CDKAL1: variants seen among roughly 807,000 people sequenced by gnomAD.
CDKAL1 encodes CDKAL1 threonylcarbamoyladenosine tRNA methylthiotransferase, also known as threonylcarbamoyladenosine tRNA methylthiotransferase.
Under a neutral mutation model 68.2 loss-of-function variants are expected in CDKAL1, and 32 were observed. The ratio of observed to expected loss-of-function variants is 0.47; its 90% confidence interval spans 0.35 to 0.63. The LOEUF (loss-of-function observed/expected upper bound fraction) is 0.63. CDKAL1 is among the 30% of genes least tolerant of loss of function. The pLI is 0.00. For synonymous variants in CDKAL1, 234 were observed against 244.3 expected, an observed-to-expected ratio of 0.96 and a Z score of 0.39; for missense variants, 606 against 696.7, an observed-to-expected ratio of 0.87 and a Z score of 1.47.
intron 5 of CDKAL1, among the ~76,000 whole-genome samples, chr6:20,696,591 T>C (rs1273982512): frequency 6.6e-6 from 1 of 152,232 alleles, no homozygotes; most frequent in Admixed American, 6.5e-5. Context: ...AAAAAACTGT[T>C]TGTATTTTTA....
At chr6:21,100,267 T>G (rs1406552523) in intron 12 of CDKAL1, among the ~76,000 whole-genome samples, 1 of 152,260 alleles carries the variant, frequency 6.6e-6, no homozygotes, top group Non-Finnish European at 1.5e-5. Flanking sequence ...TTTGCTTGGT[T>G]ATTTTATTTG....
intron 12 of CDKAL1, among the ~76,000 whole-genome samples, chr6:21,089,743 A>T (rs778375389): frequency 2.0e-5 from 3 of 152,230 alleles, no homozygotes; most frequent in East Asian, 3.8e-4. Context: ...GGGTGAGAAG[A>T]CTTGTAGGAA....
intron 10 of CDKAL1, among the ~76,000 whole-genome samples, chr6:20,962,088 C>G (rs1423436497): frequency 6.6e-6 from 1 of 152,128 alleles, no homozygotes; most frequent in African/African-American, 2.4e-5. Flanking sequence ...ATTGCAAGTG[C>G]TTATTAAGGA....
intron 11 of CDKAL1, among the ~76,000 whole-genome samples, chr6:21,012,570 C>G (rs1347246659): frequency 6.6e-6 from 1 of 152,108 alleles, no homozygotes; most frequent in Admixed American, 6.5e-5. Flanking sequence ...TTAAAGCTCC[C>G]ATTTGAAAAA....
chr6:20,896,970 T>C (rs1163064513), intron 9 of CDKAL1, among the ~76,000 whole-genome samples: 1 of 152,256 alleles, frequency 6.6e-6, no homozygotes, highest in Non-Finnish European at 1.5e-5. Context: ...CTACTTGGAC[T>C]GCTATTACAA....
chr6:20,830,595 C>A (rs912904551), intron 8 of CDKAL1, among the ~76,000 whole-genome samples: 4 of 152,122 alleles, frequency 2.6e-5, no homozygotes, highest in Non-Finnish European at 4.4e-5. Context: ...TTATCTCCCC[C>A]AATAGCATGG....
At chr6:21,033,819 A>G (rs184936504) in intron 11 of CDKAL1, among the ~76,000 whole-genome samples, 12 of 152,294 alleles carry the variant, frequency 7.9e-5, no homozygotes, top group Admixed American at 6.5e-4. Flanking sequence ...TAAGAAAAGG[A>G]TGGTTAACAG....
At chr6:20,667,442 C>A (rs1331445060) in intron 5 of CDKAL1, among the ~76,000 whole-genome samples, 1 of 151,994 alleles carries the variant, frequency 6.6e-6, no homozygotes, top group African/African-American at 2.4e-5. Context: ...GGGTCTTTTT[C>A]AAGTCTATAC....
At chr6:21,197,065 G>A (rs745500691) in intron 13 of CDKAL1, among the ~76,000 whole-genome samples, 14 of 151,944 alleles carry the variant, frequency 9.2e-5, no homozygotes, top group South Asian at 2.1e-4. Flanking sequence ...GGCTGAGGCA[G>A]AAGAATCGTT....
At chr6:20,860,609 A>G (rs903316375) in intron 9 of CDKAL1, among the ~76,000 whole-genome samples, 2 of 152,006 alleles carry the variant, frequency 1.3e-5, no homozygotes, top group African/African-American at 4.8e-5. Context: ...GCAGATCACG[A>G]GATCAAGAGA....
intron 9 of CDKAL1, among the ~76,000 whole-genome samples, chr6:20,947,162 A>G (rs1764278800): frequency 6.6e-6 from 1 of 152,220 alleles, no homozygotes; most frequent in Non-Finnish European, 1.5e-5. Context: ...TATACCTGAT[A>G]TACCTTCAAA....
At chr6:21,192,686 C>T (rs1778305343) in intron 13 of CDKAL1, among the ~76,000 whole-genome samples, 1 of 151,970 alleles carries the variant, frequency 6.6e-6, no homozygotes. Flanking sequence ...TAACCTCTAG[C>T]ATGTTACAGA....
intron 10 of CDKAL1, among the ~76,000 whole-genome samples, chr6:20,990,146 G>C (rs572084423): frequency 6.6e-6 from 1 of 152,270 alleles, no homozygotes; most frequent in South Asian, 2.1e-4. Context: ...AGGAGGCTGA[G>C]GCAGGAGAAT....
chr6:20,971,879 T>A (rs1330302583), intron 10 of CDKAL1, among the ~76,000 whole-genome samples: 2 of 152,188 alleles, frequency 1.3e-5, no homozygotes, highest in African/African-American at 4.8e-5. Context: ...AAAATATTTT[T>A]AAACTCATTT....
chr6:21,062,507 T>C (rs1163096699), intron 11 of CDKAL1, among the ~76,000 whole-genome samples: 4 of 152,224 alleles, frequency 2.6e-5, no homozygotes, highest in South Asian at 2.1e-4. Flanking sequence ...GAAAAAAATA[T>C]GTTTATATCA....
chr6:20,700,921 A>G (rs907039643), intron 5 of CDKAL1, among the ~76,000 whole-genome samples: 46 of 137,754 alleles, frequency 3.3e-4, no homozygotes, highest in African/African-American at 1.2e-3. Flanking sequence ...TACACTTTTT[A>G]TGTAATCTGT....
rs149117757 is a variant in CDKAL1, at chr6:20,546,514, C to G, written c.164C>G (p.Pro55Arg). 245 of 1,612,876 alleles carry G rather than the reference C, an allele frequency of 1.5e-4. No individual in the cohort carries two copies. The Middle Eastern group carries it at 2.6e-3, about 17-fold the overall frequency. Residue 55 changes from proline to arginine, a missense_variant, in exon 3 of 16, where the codon CCA (proline) becomes CGA (arginine). Coordinates refer to ENST00000274695, the MANE Select transcript of CDKAL1 (RefSeq NM_017774.3). ...KYLQEEENSP[P>R]SDSTIPGIQK... Reference sequence around the variant, plus strand: ...TTGCAAGAGGAAGAAAACAGTCCACCAAGTGACAGGTAAGCTTTTTTCCTT... The same window carrying G: ...TTGCAAGAGGAAGAAAACAGTCCACGAAGTGACAGGTAAGCTTTTTTCCTT...
At chr6:20,865,420 C>T (rs1581725157) in intron 9 of CDKAL1, among the ~76,000 whole-genome samples, 1 of 152,094 alleles carries the variant, frequency 6.6e-6, no homozygotes, top group South Asian at 2.1e-4. Flanking sequence ...ACCTCAGTTT[C>T]GTTGTCCATA....
intron 13 of CDKAL1, among the ~76,000 whole-genome samples, chr6:21,197,366 GCTGT>G (rs1005028865): frequency 6.6e-6 from 1 of 152,058 alleles, no homozygotes; most frequent in African/African-American, 2.4e-5. Context: ...CCATGTTTTT[GCTGT>G]CTTTCTCTTT....
Sources: gnomAD v4.1 joint callset for allele counts (sites outside exome capture counted in the v4.1 genomes callset) on GRCh38, gnomAD v4.1.1 for gene constraint, MANE v1.5 for transcripts, NCBI Gene and HGNC (gene_info 2026-07-23, HGNC 2026-07-21) for gene names.